The following SHROOM3 variants were observed in gnomAD, a reference collection of about 807,000 sequenced individuals.
SHROOM3 encodes protein Shroom3.
A neutral mutation model predicts 138.6 loss-of-function variants in SHROOM3; 47 were observed. The observed-to-expected ratio is 0.34, with a 90% CI of 0.27 to 0.43. The LOEUF (loss-of-function observed/expected upper bound fraction) is 0.43, where lower values mean the gene tolerates loss of function less well. SHROOM3 is among the 20% of genes least tolerant of loss of function. The pLI is 1.00. For synonymous variants in SHROOM3, 1,062 were observed against 1,063.3 expected, an observed-to-expected ratio of 1.00 and a Z score of 0.02; for missense variants, 2,491 against 2,596.5, an observed-to-expected ratio of 0.96 and a Z score of 0.88.
chr4:76,445,507 TAAG>T (rs1369160912), intron 1 of SHROOM3, among the ~76,000 whole-genome samples: 1 of 152,104 alleles, frequency 6.6e-6, no homozygotes, highest in East Asian at 1.9e-4. Flanking sequence ...TAATAAGAAA[TAAG>T]AAGCCAGACA....
intron 2 of SHROOM3, among the ~76,000 whole-genome samples, chr4:76,581,352 A>C (rs541381865): frequency 6.6e-6 from 1 of 152,356 alleles, no homozygotes; most frequent in African/African-American, 2.4e-5. Flanking sequence ...AAAAGAAGCA[A>C]AATTAAATTG....
At position 76,480,895 on chromosome 4, in the gene SHROOM3, C is replaced by T. The variant is rs949876527; in HGVS notation, c.168+44675C>T. Among the ~76,000 whole-genome samples, 8 of 152,022 alleles carry T rather than the reference C, an allele frequency of 5.3e-5. No individual in the cohort carries two copies. The South Asian group carries it at 1.0e-3, about 20-fold the overall frequency. ...CTCCTGAATGACTACTGGGTAAATA[C>T]GAAATTAAGGTAGAAATAATGAAGT... On this transcript the variant is annotated intron_variant, in intron 1 of 10. Transcript: ENST00000296043.
At chr4:76,499,963 C>T (rs978713850) in intron 1 of SHROOM3, among the ~76,000 whole-genome samples, 10 of 152,210 alleles carry the variant, frequency 6.6e-5, no homozygotes, top group East Asian at 1.9e-4. Flanking sequence ...CTCTTTTGCT[C>T]GTTGTGCAAC....
chr4:76,519,220 A>T (rs1017607071), intron 1 of SHROOM3, among the ~76,000 whole-genome samples: 2 of 152,140 alleles, frequency 1.3e-5, no homozygotes, highest in African/African-American at 4.8e-5. Flanking sequence ...TAAAGGAGGG[A>T]TGCCTTTCCT....
At chr4:76,439,374 T>C (rs970499609) in intron 1 of SHROOM3, among the ~76,000 whole-genome samples, 1 of 152,180 alleles carries the variant, frequency 6.6e-6, no homozygotes, top group Non-Finnish European at 1.5e-5. Flanking sequence ...TTTGCAACCT[T>C]AATTCACCCT....
rs371944513 is a variant in SHROOM3, at chr4:76,646,225, A to AATATATATAT, written c.324-63917_324-63908dup. Among the ~76,000 whole-genome samples, 90 of 96,230 alleles carry AATATATATAT rather than the reference A, an allele frequency of 9.4e-4. 4 individuals are homozygous for AATATATATAT. Among genetic ancestry groups the AATATATATAT allele is most frequent in the African/African-American group, 2.8e-3 (63 of 22,706 alleles). 63.1% of individuals were successfully genotyped at this position (96,230 alleles called of 152,430 possible). Reference sequence around the variant, plus strand: ...CCTAGAACTTAAAGTATAATAAATAAATATATATATATATATATATATAAA... The same window carrying AATATATATAT: ...CCTAGAACTTAAAGTATAATAAATAAATATATATATATATATATATATATATATATATAAA... On this transcript the variant is annotated intron_variant, in intron 2 of 10. Transcript: ENST00000296043.
At chr4:76,748,405 A>G (rs1721512570) in intron 5 of SHROOM3, among the ~76,000 whole-genome samples, 1 of 152,086 alleles carries the variant, frequency 6.6e-6, no homozygotes, top group Non-Finnish European at 1.5e-5. Flanking sequence ...ACTGTATACT[A>G]TCAAAAACTG....
At chr4:76,551,544 A>G (rs1281015436) in intron 1 of SHROOM3, among the ~76,000 whole-genome samples, 1 of 152,174 alleles carries the variant, frequency 6.6e-6, no homozygotes, top group African/African-American at 2.4e-5. Context: ...CTGTTCATAA[A>G]TATTTATTGA....
chr4:76,729,631 T>C (rs1346802901), intron 3 of SHROOM3, among the ~76,000 whole-genome samples: 1 of 152,192 alleles, frequency 6.6e-6, no homozygotes, highest in Non-Finnish European at 1.5e-5. Context: ...TCTTCTGACT[T>C]TCTAGATGAG....
At chr4:76,466,603 G>A (rs2137151) in intron 1 of SHROOM3, among the ~76,000 whole-genome samples, 2,115 of 152,166 alleles carry the variant, frequency 0.014, 51 homozygotes, top group African/African-American at 0.048. Context: ...GCTGTTTTCT[G>A]GATTCTTTAG....
rs1719513085 is a variant in SHROOM3 at position 76,690,939 on chromosome 4, A to G, written c.324-19217A>G. Among the ~76,000 whole-genome samples, 4 of 152,346 alleles carry G rather than the reference A, an allele frequency of 2.6e-5. No individual in the cohort carries two copies. The East Asian group carries it at 7.7e-4, about 29-fold the overall frequency. Reference sequence around the variant, plus strand: ...ATAAACTTACTTAAAAAAATGTTATAACCAACAATAACTTATTCACATTGC... The same window carrying G: ...ATAAACTTACTTAAAAAAATGTTATGACCAACAATAACTTATTCACATTGC... On this transcript the variant is annotated intron_variant, in intron 2 of 10. Transcript: ENST00000296043.
chr4:76,459,885 A>T (rs1183796844), intron 1 of SHROOM3, among the ~76,000 whole-genome samples: 1 of 152,136 alleles, frequency 6.6e-6, no homozygotes, highest in Non-Finnish European at 1.5e-5. Flanking sequence ...CAACCTTGCT[A>T]CTTCTCAGTT....
intron 2 of SHROOM3, among the ~76,000 whole-genome samples, chr4:76,642,190 C>T (rs143664491): frequency 3.0e-4 from 46 of 152,208 alleles, no homozygotes; most frequent in Non-Finnish European, 5.3e-4. Context: ...TTTGTTTACT[C>T]CCTATCTCTT....
chr4:76,603,362 G>A (rs1734545518), intron 2 of SHROOM3, among the ~76,000 whole-genome samples: 2 of 152,038 alleles, frequency 1.3e-5, no homozygotes, highest in South Asian at 2.1e-4. Context: ...AGGTTGCAGT[G>A]AGCCAAGATT....
intron 1 of SHROOM3, among the ~76,000 whole-genome samples, chr4:76,500,358 A>G (rs1280336888): frequency 2.0e-5 from 3 of 152,172 alleles, no homozygotes; most frequent in Non-Finnish European, 4.4e-5. Context: ...TCTTGCAGCT[A>G]CAGGTCTCCC....
At chr4:76,551,663 C>G (rs1186546371) in intron 1 of SHROOM3, among the ~76,000 whole-genome samples, 1 of 152,094 alleles carries the variant, frequency 6.6e-6, no homozygotes, top group Non-Finnish European at 1.5e-5. Flanking sequence ...TCTTCAATAA[C>G]TTCACAGTCC....
At chr4:76,623,877 A>T (rs1357979386) in intron 2 of SHROOM3, among the ~76,000 whole-genome samples, 1 of 152,206 alleles carries the variant, frequency 6.6e-6, no homozygotes, top group Non-Finnish European at 1.5e-5. Context: ...TATTCCTTGC[A>T]TACTCATACG....
intron 1 of SHROOM3, among the ~76,000 whole-genome samples, chr4:76,519,271 G>C (rs1474247354): frequency 1.3e-5 from 2 of 152,164 alleles, no homozygotes; most frequent in Non-Finnish European, 2.9e-5. Flanking sequence ...ATCTCTAGGG[G>C]TCAGGGAGTA....
In SHROOM3 at chr4:76,739,590, C is replaced by G. The variant is rs1721182578; in HGVS notation, c.1417C>G (p.Leu473Val). 6.2e-7 allele frequency: 1 copy of G among 1,614,102 alleles called. No homozygotes were observed. The highest frequency in any genetic ancestry group is 1.1e-5 in the South Asian group (1 of 91,088). Residue 473 changes from leucine (L) to valine (V), a missense_variant, in exon 5 of 11, where the codon CTG becomes GTG. Transcript: ENST00000296043. ...GACCAGCATCTACCCGGTACCTTCC[C>G]TGGAGCCACACTTTGCCCAGGTGCC... ...LPTSIYPVPSLEPHFAQVPQP... is the reference protein window; with the variant it reads ...LPTSIYPVPSVEPHFAQVPQP...
Sources: gnomAD v4.1 joint callset for allele counts (sites outside exome capture counted in the v4.1 genomes callset) on GRCh38, gnomAD v4.1.1 for gene constraint, MANE v1.5 for transcripts, NCBI Gene and HGNC (gene_info 2026-07-23, HGNC 2026-07-21) for gene names.